ANKS1B: variants seen among roughly 807,000 people sequenced by gnomAD.
ANKS1B encodes the protein ankyrin repeat and sterile alpha motif domain containing 1B.
Under a neutral mutation model 148.3 loss-of-function variants are expected in ANKS1B, and 36 were observed. The ratio of observed to expected loss-of-function variants is 0.24; its 90% CI spans 0.19 to 0.32. The LOEUF is 0.32. Ranked by LOEUF, ANKS1B falls within the 10% of genes least tolerant of loss-of-function variation. The pLI, the probability that ANKS1B is intolerant of heterozygous loss-of-function variation, is 1.00. For synonymous variants in ANKS1B, 542 were observed against 560.8 expected (o/e 0.97, Z 0.47); for missense variants, 1,157 against 1,542.6 (o/e 0.75, Z 4.19).
chr12:99,194,994 C>T (rs1349303474), intron 14 of ANKS1B, among the ~76,000 whole-genome samples: 2 of 151,930 alleles, frequency 1.3e-5, no homozygotes, highest in South Asian at 4.1e-4. Context: ...TTTAATCATG[C>T]TAATAAAACT....
At chr12:98,843,087 A>G (rs1364095172) in intron 17 of ANKS1B, among the ~76,000 whole-genome samples, 2 of 152,224 alleles carry the variant, frequency 1.3e-5, no homozygotes, top group Non-Finnish European at 2.9e-5. Flanking sequence ...CCAGAGAATA[A>G]GGTTGCATTC....
intron 17 of ANKS1B, among the ~76,000 whole-genome samples, chr12:98,904,915 T>G (rs975145015): frequency 3.9e-5 from 6 of 152,148 alleles, no homozygotes; most frequent in African/African-American, 1.4e-4. Flanking sequence ...TAAGTAATTT[T>G]CCAAGATCAA....
At chr12:99,486,605 A>G (rs2096492979) in intron 10 of ANKS1B, among the ~76,000 whole-genome samples, 2 of 152,108 alleles carry the variant, frequency 1.3e-5, no homozygotes, top group Non-Finnish European at 2.9e-5. Context: ...TAAATGCAAT[A>G]CCCAATGGTG....
chr12:99,744,364 C>CTGT (rs2060396622), intron 8 of ANKS1B, among the ~76,000 whole-genome samples: 1 of 152,148 alleles, frequency 6.6e-6, no homozygotes, highest in Admixed American at 6.5e-5. Context: ...ACAGAAGTTT[C>CTGT]TTATTTAAAG....
At chr12:99,409,200 A>G (rs1451663729) in intron 11 of ANKS1B, among the ~76,000 whole-genome samples, 1 of 152,220 alleles carries the variant, frequency 6.6e-6, no homozygotes, top group Non-Finnish European at 1.5e-5. Context: ...ATTTGCAACA[A>G]CATGGATGGA....
rs139817673 is a variant in ANKS1B, at chr12:98,846,475, C to T, written c.2779-14339G>A. On this transcript the variant is annotated intron_variant, in intron 17 of 26. Coordinates refer to ENST00000683438, the MANE Select transcript of ANKS1B (RefSeq NM_001352186.2). ...GCTGCTGATGGTGCTGGTCATCCCA[C>T]CCTGGCAAGGAAAGGAACAGGTATG... is the stretch of plus-strand genomic sequence containing the variant. Among the ~76,000 whole-genome samples the T allele has an allele frequency of 2.2e-3, 334 of 152,324 alleles. 2 individuals carry two copies. Among genetic ancestry groups the T allele is most frequent in the African/African-American group, 7.6e-3 (314 of 41,578 alleles).
At chr12:98,857,569 C>T (rs889238022) in intron 17 of ANKS1B, among the ~76,000 whole-genome samples, 1 of 150,994 alleles carries the variant, frequency 6.6e-6, no homozygotes, top group Non-Finnish European at 1.5e-5. Flanking sequence ...AGAGACAGTA[C>T]GTTCTAACAG....
At position 99,435,579 on chromosome 12, in the gene ANKS1B, C is replaced by T. The variant is rs376752085; in HGVS notation, c.1575+8094G>A. 8.5e-5 allele frequency among the ~76,000 whole-genome samples: 13 copies of T among 152,102 alleles called. No individual in the cohort carries two copies. The South Asian group carries it at 2.7e-3, about 32-fold the overall frequency. The stretch of plus-strand genomic sequence containing the variant: ...CTACAGGGCTTTACAATGTACACAG[C>T]ACCATGGCACCTTTTATCTGGTTTG... On this transcript the variant is annotated intron_variant, in intron 11 of 26. Transcript: ENST00000683438.
chr12:99,372,084 T>C (rs927230740), intron 12 of ANKS1B, among the ~76,000 whole-genome samples: 2 of 152,062 alleles, frequency 1.3e-5, no homozygotes, highest in African/African-American at 4.8e-5. Context: ...TGTAAACCCA[T>C]AGAATGTACA....
intron 17 of ANKS1B, among the ~76,000 whole-genome samples, chr12:98,916,771 C>T (rs1242856912): frequency 2.0e-5 from 3 of 152,144 alleles, no homozygotes; most frequent in African/African-American, 2.4e-5. Flanking sequence ...TTAGTTTCTT[C>T]ATTGCAGAGT....
intron 9 of ANKS1B, among the ~76,000 whole-genome samples, chr12:99,548,098 A>C (rs367857452): frequency 4.6e-5 from 7 of 152,322 alleles, no homozygotes; most frequent in African/African-American, 1.7e-4. Context: ...TTACAGAACA[A>C]TATTGAATTT....
chr12:99,638,490 C>T (rs997398060), intron 9 of ANKS1B, among the ~76,000 whole-genome samples: 2 of 152,166 alleles, frequency 1.3e-5, no homozygotes, highest in East Asian at 3.9e-4. Flanking sequence ...TGCTCCTGTC[C>T]TAGAGATTTG....
At chr12:98,861,751 A>T (rs2099600202) in intron 17 of ANKS1B, among the ~76,000 whole-genome samples, 1 of 152,222 alleles carries the variant, frequency 6.6e-6, no homozygotes, top group East Asian at 1.9e-4. Flanking sequence ...ATTACTAGAA[A>T]AAAAGATTTT....
chr12:99,500,679 C>T (rs1327172736), intron 10 of ANKS1B, among the ~76,000 whole-genome samples: 1 of 152,168 alleles, frequency 6.6e-6, no homozygotes, highest in Admixed American at 6.5e-5. Flanking sequence ...AAGTACTCCC[C>T]CATTTTTGCT....
At chr12:99,694,171 C>G (rs1409166134) in intron 8 of ANKS1B, among the ~76,000 whole-genome samples, 1 of 150,242 alleles carries the variant, frequency 6.7e-6, no homozygotes, top group Non-Finnish European at 1.5e-5. Flanking sequence ...CACGGTGGCT[C>G]ACACCTGTAA....
chr12:98,923,852 AG>A (rs2099804588), intron 17 of ANKS1B, among the ~76,000 whole-genome samples: 3 of 152,174 alleles, frequency 2.0e-5, no homozygotes, highest in Admixed American at 1.3e-4. Flanking sequence ...TACTTTTCTC[AG>A]GGCCATTTAT....
intron 10 of ANKS1B, among the ~76,000 whole-genome samples, chr12:99,489,193 G>A (rs2096531541): frequency 6.8e-6 from 1 of 147,520 alleles, no homozygotes; most frequent in Non-Finnish European, 1.5e-5. Context: ...AGTGAGCGGA[G>A]ATGACGCCAT....
At chr12:99,664,342 T>C (rs769416149) in intron 8 of ANKS1B, among the ~76,000 whole-genome samples, 2 of 152,072 alleles carry the variant, frequency 1.3e-5, no homozygotes, top group Non-Finnish European at 2.9e-5. Flanking sequence ...TATATATTTA[T>C]TTTTTGTATT....
intron 6 of ANKS1B, among the ~76,000 whole-genome samples, chr12:99,778,151 G>A (rs1171921084): frequency 5.9e-5 from 9 of 151,774 alleles, no homozygotes; most frequent in Admixed American, 5.2e-4. Context: ...AGTGAGCCCA[G>A]AGGGCGCCAC....
Sources: allele counts gnomAD v4.1 joint callset (sites outside exome capture counted in the v4.1 genomes callset), GRCh38; gene constraint gnomAD v4.1.1; transcripts MANE v1.5; gene names NCBI Gene and HGNC (gene_info 2026-07-23, HGNC 2026-07-21).